Variants in LRRTM4 observed in about 807,000 individuals in gnomAD.
LRRTM4 encodes leucine rich repeat transmembrane neuronal 4.
A neutral mutation model predicts 47.6 loss-of-function variants in LRRTM4; 25 were observed. That is an observed-to-expected ratio of 0.53 (90% CI 0.38 to 0.73). LRRTM4 has a LOEUF of 0.73. Among genes scored for constraint, LRRTM4 ranks in the 30% least tolerant of loss-of-function variants. The probability of loss-of-function intolerance (pLI) is 0.00; values close to 1 mark genes in which losing one functional copy is unlikely to be tolerated. For missense variants in LRRTM4, 638 were observed against 713.4 expected (o/e 0.89, Z 1.20); for synonymous variants, 311 against 269.5 (o/e 1.15, Z -1.51).
At chr2:76,845,893 G>A (rs1241882857) in intron 3 of LRRTM4, among the ~76,000 whole-genome samples, 1 of 152,056 alleles carries the variant, frequency 6.6e-6, no homozygotes, top group Non-Finnish European at 1.5e-5. Context: ...CTGAAAATCT[G>A]GAACAAAGGT....
intron 3 of LRRTM4, among the ~76,000 whole-genome samples, chr2:77,304,952 A>G (rs1009854826): frequency 2.0e-5 from 3 of 152,180 alleles, no homozygotes; most frequent in African/African-American, 7.2e-5. Flanking sequence ...GTCCCTTTAT[A>G]ATATAACATG....
chr2:76,841,629 A>T (rs1671685264), intron 3 of LRRTM4, among the ~76,000 whole-genome samples: 1 of 151,280 alleles, frequency 6.6e-6, no homozygotes, highest in African/African-American at 2.4e-5. Flanking sequence ...CCAGTTAAAA[A>T]TATAGGAGGT....
At chr2:76,899,594 G>A (rs765657229) in intron 3 of LRRTM4, among the ~76,000 whole-genome samples, 27 of 152,002 alleles carry the variant, frequency 1.8e-4, no homozygotes, top group African/African-American at 2.4e-4. Context: ...TGTCTGACAC[G>A]TGGAAGGAGT....
At chr2:77,504,155 A>G (rs1000274589) in intron 3 of LRRTM4, among the ~76,000 whole-genome samples, 6 of 151,718 alleles carry the variant, frequency 4.0e-5, no homozygotes, top group African/African-American at 1.2e-4. Context: ...TATAAAAATG[A>G]TATAGATTCA....
At chr2:77,436,593 C>G (rs932594713) in intron 3 of LRRTM4, among the ~76,000 whole-genome samples, 1 of 151,526 alleles carries the variant, frequency 6.6e-6, no homozygotes, top group Non-Finnish European at 1.5e-5. Context: ...AAATAACATG[C>G]GTTTAAACAA....
intron 3 of LRRTM4, among the ~76,000 whole-genome samples, chr2:77,306,078 G>A (rs1677263419): frequency 6.6e-6 from 1 of 152,126 alleles, no homozygotes; most frequent in South Asian, 2.1e-4. Context: ...CATAATTTGT[G>A]AATCCAATCC....
At chr2:77,073,400 AATTATT>A (rs199768113) in intron 3 of LRRTM4, among the ~76,000 whole-genome samples, 3 of 150,380 alleles carry the variant, frequency 2.0e-5, no homozygotes, top group African/African-American at 7.5e-5. Flanking sequence ...TAAATACATT[AATTATT>A]ATTATCTATT....
At chr2:77,468,743 TCTC>T (rs1295534576) in intron 3 of LRRTM4, among the ~76,000 whole-genome samples, 1 of 152,108 alleles carries the variant, frequency 6.6e-6, no homozygotes, top group Admixed American at 6.6e-5. Flanking sequence ...CTCTCCCTGC[TCTC>T]CTCCTGGTGC....
intron 3 of LRRTM4, among the ~76,000 whole-genome samples, chr2:77,484,718 T>C (rs1471211824): frequency 6.6e-6 from 1 of 152,186 alleles, no homozygotes; most frequent in Non-Finnish European, 1.5e-5. Context: ...TAAAACTATT[T>C]TTATTTGATT....
intron 3 of LRRTM4, among the ~76,000 whole-genome samples, chr2:76,993,597 C>A (rs993929669): frequency 2.0e-5 from 3 of 151,814 alleles, no homozygotes; most frequent in Non-Finnish European, 2.9e-5. Context: ...ATTAAAAATA[C>A]AAAAGCAACA....
intron 3 of LRRTM4, among the ~76,000 whole-genome samples, chr2:77,062,041 C>T (rs986957964): frequency 6.6e-6 from 1 of 152,130 alleles, no homozygotes; most frequent in African/African-American, 2.4e-5. Flanking sequence ...ATGCTTGTGA[C>T]AAATGTGTCC....
rs367583554 is a variant in LRRTM4 at position 77,103,647 on chromosome 2, G to GTATATA, written c.1552-354737_1552-354732dup. 3.6e-3 allele frequency among the ~76,000 whole-genome samples: 442 copies of GTATATA among 124,090 alleles called. 1 individual carries two copies. The highest frequency in any genetic ancestry group is 5.1e-3 in the African/African-American group (153 of 29,954). 81.4% of individuals were successfully genotyped at this position (124,090 alleles called of 152,430 possible). ...TCAGGAGAGTGTTATATACATGAGTGTATATATATATATATAGATATATAT... is the reference window on the plus strand; with the variant it reads ...TCAGGAGAGTGTTATATACATGAGTGTATATATATATATATATATATAGATATATAT... On this transcript the variant is annotated intron_variant, in intron 3 of 3. Transcript: ENST00000409884.
intron 2 of LRRTM4, among the ~76,000 whole-genome samples, chr2:77,520,080 C>A (rs1280932854): frequency 6.6e-6 from 1 of 152,058 alleles, no homozygotes; most frequent in Non-Finnish European, 1.5e-5. Flanking sequence ...ACCACAGTCC[C>A]ATAGAATTAA....
In LRRTM4 at chr2:77,481,333, A is replaced by G. The variant is rs190096842; in HGVS notation, c.1551+36985T>C. On this transcript the variant is annotated intron_variant, in intron 3 of 3. Coordinates refer to ENST00000409884, the MANE Select transcript of LRRTM4 (RefSeq NM_001134745.3). Reference sequence around the variant, plus strand: ...ATAGATCTAGAACATGGTAGACCTGAGATTTAAATGCAGCCATCTAGTTCG... The same window carrying G: ...ATAGATCTAGAACATGGTAGACCTGGGATTTAAATGCAGCCATCTAGTTCG... Among the ~76,000 whole-genome samples the G allele has an allele frequency of 3.9e-5, 6 of 152,268 alleles. No individual in the cohort carries two copies. In the East Asian group the frequency reaches 1.2e-3, roughly 29 times the overall value.
At chr2:76,942,229 C>T (rs11896587) in intron 3 of LRRTM4, among the ~76,000 whole-genome samples, 90,304 of 151,870 alleles carry the variant, frequency 0.59, 29,145 homozygotes, top group African/African-American at 0.85. Flanking sequence ...GATGGATAGA[C>T]GGCAAAAATT....
intron 3 of LRRTM4, among the ~76,000 whole-genome samples, chr2:77,322,603 G>T (rs377625215): frequency 6.6e-6 from 1 of 151,704 alleles, no homozygotes; most frequent in Non-Finnish European, 1.5e-5. Flanking sequence ...GAATGGCTTC[G>T]GGGGAAAACT....
chr2:76,957,589 C>A (rs1268551683), intron 3 of LRRTM4, among the ~76,000 whole-genome samples: 1 of 151,624 alleles, frequency 6.6e-6, no homozygotes, highest in Non-Finnish European at 1.5e-5. Context: ...GTTTTCTATT[C>A]CAGAATTATT....
chr2:77,073,332 T>A (rs997095676), intron 3 of LRRTM4, among the ~76,000 whole-genome samples: 5 of 152,170 alleles, frequency 3.3e-5, no homozygotes, highest in African/African-American at 1.2e-4. Flanking sequence ...GGCCAGAAAT[T>A]AAATACTATC....
chr2:77,219,112 T>C (rs936105120), intron 3 of LRRTM4, among the ~76,000 whole-genome samples: 8 of 152,134 alleles, frequency 5.3e-5, no homozygotes, highest in Admixed American at 2.6e-4. Context: ...CCTACTGAAA[T>C]GTCATAAAAG....
Sources: allele counts gnomAD v4.1 joint callset (sites outside exome capture counted in the v4.1 genomes callset), GRCh38; gene constraint gnomAD v4.1.1; transcripts MANE v1.5; gene names NCBI Gene and HGNC (gene_info 2026-07-23, HGNC 2026-07-21).